CCDC197: variants seen among roughly 807,000 people sequenced by gnomAD.
CCDC197 encodes coiled-coil domain containing 197, also known as uncharacterized protein CCDC197.
Under a neutral mutation model 13.4 loss-of-function variants are expected in CCDC197, and 24 were observed. The ratio of observed to expected loss-of-function variants is 1.80; its 90% confidence interval spans 1.30 to 2.53. The LOEUF is 2.53. Among genes scored for constraint, CCDC197 ranks in the 30% most tolerant of loss-of-function variants. CCDC197 has a pLI of 0.00. For synonymous variants in CCDC197, 99 were observed against 55.5 expected, an observed-to-expected ratio of 1.78 and a Z score of -3.48; for missense variants, 255 against 148.8, an observed-to-expected ratio of 1.71 and a Z score of -3.71.
rs1314518945 is a variant in CCDC197, at chr14:94,001,167, G to A, written c.210G>A (p.Pro70=). Residue 70 remains proline (P), a synonymous_variant, in exon 4 of 7, where the codon CCG becomes CCA. Coordinates refer to ENST00000636493, the MANE Select transcript of CCDC197 (RefSeq NM_001351596.2). ...TAGGCTGCACGGGATGGGAGGAGCCGGAGGAGGTGCTGGTGGAGGCCACGG... is the reference window on the plus strand; with the variant it reads ...TAGGCTGCACGGGATGGGAGGAGCCAGAGGAGGTGCTGGTGGAGGCCACGG... The part of the protein sequence containing the change: ...IPEGCTGWEE[P]EEVLVEATVK... 3 of 780,122 alleles carry A rather than the reference G, an allele frequency of 3.8e-6. No individual in the cohort carries two copies. The highest frequency in any genetic ancestry group is 7.2e-6 in the Non-Finnish European group (3 of 417,710). The allele number at this position is 780,122 out of a possible 1,614,324, so 48.3% of individuals were successfully genotyped here.
At chr14:94,001,666 G>T (rs1373690162) in intron 4 of CCDC197, 1 of 208,906 alleles carries the variant, frequency 4.8e-6, no homozygotes, top group Non-Finnish European at 9.5e-6. Context: ...TCAAGTGGGG[G>T]CAACACACCC....
chr14:93,993,257 C>T (rs1890238012), upstream of CCDC197, among the ~76,000 whole-genome samples: 1 of 152,210 alleles, frequency 6.6e-6, no homozygotes, highest in African/African-American at 2.4e-5. Context: ...GCTTGCTTTC[C>T]TAAAGGGTCA....
chr14:93,987,717 A>T (rs1890123161), intron 1 of CCDC197, among the ~76,000 whole-genome samples: 1 of 152,096 alleles, frequency 6.6e-6, no homozygotes, highest in South Asian at 2.1e-4. Flanking sequence ...CAGCTTCCTA[A>T]CGGGCGGGAG....
chr14:93,996,469 C>T (rs527426002), upstream of CCDC197, among the ~76,000 whole-genome samples: 23 of 150,276 alleles, frequency 1.5e-4, no homozygotes, highest in Admixed American at 1.5e-3. Flanking sequence ...TTGCTCCAGC[C>T]GTGCCCCAAC....
At chr14:93,993,268 G>C (rs983541562), upstream of CCDC197, among the ~76,000 whole-genome samples, 37 of 152,166 alleles carry the variant, frequency 2.4e-4, no homozygotes, top group Non-Finnish European at 1.3e-4. Context: ...TAAAGGGTCA[G>C]AACAGATACT....
intron 1 of CCDC197, among the ~76,000 whole-genome samples, chr14:93,991,700 G>C (rs146856149): frequency 6.6e-6 from 1 of 152,180 alleles, no homozygotes. Flanking sequence ...AGGTCATCAA[G>C]GGTAAGCTGC....
At chr14:94,004,827 C>T (rs911732710) in intron 5 of CCDC197, 28 bp from the exon 6 acceptor site, 2 of 701,158 alleles carry the variant, frequency 2.9e-6, no homozygotes, top group Non-Finnish European at 5.2e-6. Flanking sequence ...GAGCCTGAGC[C>T]ACCACCTCCT....
rs748896443 is a variant in CCDC197, at chr14:93,998,096, C to T, written c.-36C>T. The stretch of plus-strand genomic sequence containing the variant: ...TCTTCATCCTGCCTGACTCACGGGT[C>T]TCCTGTCCTCCTGCATAGCTTGCGG... On this transcript the variant is annotated 5_prime_UTR_variant, in exon 2 of 7. Coordinates refer to ENST00000636493, the MANE Select transcript of CCDC197 (RefSeq NM_001351596.2). 7.6e-5 allele frequency: 59 copies of T among 779,842 alleles called. No homozygotes were observed. The South Asian group carries it at 7.6e-4, about 10-fold the overall frequency. The allele number at this position is 779,842 out of a possible 1,614,324, so 48.3% of individuals were successfully genotyped here.
At position 94,004,986 on chromosome 14, in the gene CCDC197, A is replaced by T. The variant is rs1297300156; in HGVS notation, c.615+15A>T. On this transcript the variant is annotated intron_variant, in intron 6 of 6. Transcript: ENST00000636493. ...ATCTGATTAAGGTAAGGATAGACAG[A>T]TGGCTGCGGGGCTCCTGACTGCCCC... 2.9e-6 allele frequency: 2 copies of T among 700,678 alleles called. No individual in the cohort carries two copies. The highest frequency in any genetic ancestry group is 5.2e-6 in the Non-Finnish European group (2 of 383,528). 43.4% of individuals were successfully genotyped at this position (700,678 alleles called of 1,614,324 possible).
upstream of CCDC197, among the ~76,000 whole-genome samples, chr14:93,995,325 C>A (rs146884467): frequency 1.3e-5 from 2 of 152,308 alleles, no homozygotes; most frequent in African/African-American, 4.8e-5. Context: ...CCAGGCATCA[C>A]GGTGGCCAGG....
At chr14:94,005,054 G>A in intron 6 of CCDC197, 83 bp downstream of exon 6, 1 of 645,356 alleles carries the variant, frequency 1.5e-6, no homozygotes, top group Non-Finnish European at 2.8e-6. Context: ...CTTAGCCCAG[G>A]CTGCATTTGT....
intron 3 of CCDC197, among the ~76,000 whole-genome samples, chr14:94,000,383 A>G (rs1890458711): frequency 6.6e-6 from 1 of 152,134 alleles, no homozygotes. Flanking sequence ...GTCTGACTTC[A>G]TAGCCACTGT....
At chr14:94,008,917 G>T, downstream of CCDC197, 1 of 617,310 alleles carries the variant, frequency 1.6e-6, no homozygotes, top group Non-Finnish European at 2.9e-6. Flanking sequence ...GAGTCTGGGG[G>T]CATTGAGGGG....
At chr14:94,001,433 A>G (rs529176262) in intron 4 of CCDC197, 110 bp downstream of exon 4, 3 of 558,868 alleles carry the variant, frequency 5.4e-6, no homozygotes, top group South Asian at 4.5e-5. Flanking sequence ...CAGCGGCGTA[A>G]TGCTGGGGGG....
At chr14:93,991,710 C>G (rs4905132) in intron 1 of CCDC197, among the ~76,000 whole-genome samples, 42,157 of 152,048 alleles carry the variant, frequency 0.28, 8,883 homozygotes, top group East Asian at 0.6. Flanking sequence ...GGGTAAGCTG[C>G]GGTTGCGGTA....
rs1890593499 is a variant in CCDC197 at position 94,003,476 on chromosome 14, G to A, written c.498+122G>A. Reference sequence around the variant, plus strand: ...ACGCAGACACACACACACAGAGCCAGACACATAGACACACAGGCACACACA... The same window carrying A: ...ACGCAGACACACACACACAGAGCCAAACACATAGACACACAGGCACACACA... On this transcript the variant is annotated intron_variant, in intron 5 of 6. Coordinates refer to ENST00000636493, the MANE Select transcript of CCDC197 (RefSeq NM_001351596.2). The surrounding 1 kb of genome is among the most constrained non-coding windows in gnomAD (Gnocchi z 5.0). 1.6e-6 allele frequency: 1 copy of A among 628,714 alleles called. No individual in the cohort carries two copies. Among genetic ancestry groups the A allele is most frequent in the African/African-American group, 1.8e-5 (1 of 55,348 alleles). 38.9% of individuals were successfully genotyped at this position (628,714 alleles called of 1,614,324 possible). A position where few individuals can be genotyped will look rare whatever the true frequency, so the allele number is the denominator to read the frequency against.
At chr14:93,993,824 C>A (rs1166205149), upstream of CCDC197, among the ~76,000 whole-genome samples, 1 of 152,222 alleles carries the variant, frequency 6.6e-6, no homozygotes, top group Non-Finnish European at 1.5e-5. Context: ...AACAGACAGA[C>A]TTGCCTTGGA....
Position 94,008,658 on chromosome 14 carries a change from C to A in CCDC197, c.665C>A (p.Thr222Lys), listed in dbSNP as rs921029897. Residue 222 changes from threonine to lysine, a missense_variant, in exon 7 of 7, where the codon ACG becomes AAG. By Grantham distance (78) the Thr-to-Lys change is moderately conservative. Coordinates refer to ENST00000636493, the MANE Select transcript of CCDC197 (RefSeq NM_001351596.2). ...METVRLIALL[T>K]EPKVCWSWDS... ...ACTGTAAGACTGATCGCACTGCTCACGGAACCCAAAGTGTGCTGGTCATGG... is the reference window on the plus strand; with the variant it reads ...ACTGTAAGACTGATCGCACTGCTCAAGGAACCCAAAGTGTGCTGGTCATGG... 4.3e-6 allele frequency: 3 copies of A among 703,052 alleles called. No individual in the cohort carries two copies. Among genetic ancestry groups the A allele is most frequent in the Middle Eastern group, 2.3e-4 (1 of 4,370 alleles). 43.6% of individuals were successfully genotyped at this position (703,052 alleles called of 1,614,324 possible).
Position 94,003,425 on chromosome 14 carries a change from A to G in CCDC197, c.498+71A>G, listed in dbSNP as rs1364880860. The G allele has an allele frequency of 6.0e-6, 4 of 667,198 alleles. No individual in the cohort carries two copies. The highest frequency in any genetic ancestry group is 2.1e-5 in the Admixed American group (1 of 48,252). The allele number at this position is 667,198 out of a possible 1,614,324, so 41.3% of individuals were successfully genotyped here. A position where few individuals can be genotyped will look rare whatever the true frequency, so the allele number is the denominator to read the frequency against. On this transcript the variant is annotated intron_variant, in intron 5 of 6. Transcript: ENST00000636493. The surrounding 1 kb of genome is among the most constrained non-coding windows in gnomAD (Gnocchi z 5.0). ...GGGGAAGCTGATGTCTCCATCATCA[A>G]TCCCAAAACACACAGACACATACGC...
Sources: allele counts gnomAD v4.1 joint callset (sites outside exome capture counted in the v4.1 genomes callset), GRCh38; gene constraint gnomAD v4.1.1; non-coding constraint Gnocchi (gnomAD v3.1); transcripts MANE v1.5; gene names NCBI Gene and HGNC (gene_info 2026-07-23, HGNC 2026-07-21).